The following KCNG3 variants were observed in gnomAD, a reference collection of about 807,000 sequenced individuals.
KCNG3 encodes voltage-gated potassium channel regulatory subunit KCNG3.
A neutral mutation model predicts 29.0 loss-of-function variants in KCNG3; 15 were observed. The observed-to-expected ratio is 0.52, with a 90% confidence interval of 0.35 to 0.80. The LOEUF (loss-of-function observed/expected upper bound fraction) is 0.80, where lower values mean the gene tolerates loss of function less well. Among genes scored for constraint, KCNG3 ranks in the 30% least tolerant of loss-of-function variants. The pLI is 0.01. For synonymous variants in KCNG3, 322 were observed against 248.9 expected (o/e 1.29, Z -2.76); for missense variants, 512 against 605.7 (o/e 0.85, Z 1.62).
the KCNG3 span, among the ~76,000 whole-genome samples, chr2:42,421,430 T>G: frequency 0.17 from 26,349 of 152,124 alleles, 2,513 homozygotes; most frequent in African/African-American, 0.27. Flanking sequence ...TAAAGGATAA[T>G]CAGGAGTGAG....
At chr2:42,426,535 G>A in the KCNG3 span, among the ~76,000 whole-genome samples, 1 of 152,108 alleles carries the variant, frequency 6.6e-6, no homozygotes, top group Non-Finnish European at 1.5e-5. Flanking sequence ...ACACACAATT[G>A]AATACTCTCA....
At chr2:42,459,712 C>G (rs1672968499) in intron 1 of KCNG3, among the ~76,000 whole-genome samples, 1 of 152,174 alleles carries the variant, frequency 6.6e-6, no homozygotes. Flanking sequence ...CGTGGTGGCT[C>G]ACGCCTGTAA....
chr2:42,427,105 T>TA, the KCNG3 span, among the ~76,000 whole-genome samples: 1 of 152,230 alleles, frequency 6.6e-6, no homozygotes, highest in Non-Finnish European at 1.5e-5. Flanking sequence ...AATACTCTAA[T>TA]ATCTTTGCAT....
chr2:42,457,895 G>C (rs1416563499), intron 1 of KCNG3, among the ~76,000 whole-genome samples: 1 of 151,988 alleles, frequency 6.6e-6, no homozygotes, highest in East Asian at 1.9e-4. Flanking sequence ...AGCTGAGGAA[G>C]GAAGATCACT....
At chr2:42,404,971 G>A in the KCNG3 span, among the ~76,000 whole-genome samples, 1 of 152,148 alleles carries the variant, frequency 6.6e-6, no homozygotes, top group African/African-American at 2.4e-5. Context: ...TCTGAGTTTG[G>A]CAGCAAAAAA....
the KCNG3 span, among the ~76,000 whole-genome samples, chr2:42,418,289 T>A: frequency 6.6e-6 from 1 of 152,200 alleles, no homozygotes; most frequent in African/African-American, 2.4e-5. Context: ...TCATTCCATT[T>A]TAAGGTTAAT....
At chr2:42,463,947 C>G in intron 1 of KCNG3, 1 of 334,016 alleles carries the variant, frequency 3.0e-6, no homozygotes, top group Non-Finnish European at 6.0e-6. Context: ...CCTTGGTGAA[C>G]ACATCCCTGG....
the KCNG3 span, among the ~76,000 whole-genome samples, chr2:42,420,978 G>A: frequency 6.6e-6 from 1 of 152,086 alleles, no homozygotes; most frequent in African/African-American, 2.4e-5. Context: ...ACTGTATGTT[G>A]TTAGAAACAA....
At chr2:42,417,621 T>G in the KCNG3 span, among the ~76,000 whole-genome samples, 1 of 152,166 alleles carries the variant, frequency 6.6e-6, no homozygotes. Context: ...CATTTGTGTT[T>G]ACAGAATAGT....
chr2:42,458,553 A>C (rs972015033), intron 1 of KCNG3, among the ~76,000 whole-genome samples: 1 of 152,244 alleles, frequency 6.6e-6, no homozygotes, highest in Non-Finnish European at 1.5e-5. Context: ...CATCACATAT[A>C]AATCTCCATC....
chr2:42,479,286 A>G (rs945603030), intron 1 of KCNG3, among the ~76,000 whole-genome samples: 2 of 152,154 alleles, frequency 1.3e-5, no homozygotes, highest in African/African-American at 4.8e-5. Flanking sequence ...CCATCTCACA[A>G]TCAGCTCCAA....
At chr2:42,476,417 C>G (rs193053378) in intron 1 of KCNG3, among the ~76,000 whole-genome samples, 20 of 152,020 alleles carry the variant, frequency 1.3e-4, no homozygotes, top group African/African-American at 4.6e-4. Context: ...GTTAAGGCTG[C>G]AGTGGGCTGA....
At chr2:42,421,038 C>A in the KCNG3 span, among the ~76,000 whole-genome samples, 1 of 152,076 alleles carries the variant, frequency 6.6e-6, no homozygotes, top group Admixed American at 6.6e-5. Flanking sequence ...CGCTACCACA[C>A]AAAAATGACT....
At chr2:42,452,220 A>AAT (rs869226338) in intron 1 of KCNG3, among the ~76,000 whole-genome samples, 1,366 of 104,650 alleles carry the variant, frequency 0.013, 28 homozygotes, top group African/African-American at 0.03. Flanking sequence ...TGGGGTGGTA[A>AAT]ATATATATAT....
intron 1 of KCNG3, among the ~76,000 whole-genome samples, chr2:42,459,543 G>A (rs554369772): frequency 6.6e-6 from 1 of 152,304 alleles, no homozygotes; most frequent in South Asian, 2.1e-4. Context: ...ACCTGGATGT[G>A]GCTGTAAGCC....
the KCNG3 span, among the ~76,000 whole-genome samples, chr2:42,425,489 G>C: frequency 6.6e-6 from 1 of 151,796 alleles, no homozygotes; most frequent in African/African-American, 2.4e-5. Context: ...GAGAAATAGA[G>C]GGATGATGGG....
At chr2:42,492,787 G>A in intron 1 of KCNG3, 50 bp downstream of exon 1, 1 of 1,391,538 alleles carries the variant, frequency 7.2e-7, no homozygotes, top group Non-Finnish European at 9.4e-7. Context: ...GGACGGGACG[G>A]ACAGACGCGA....
At chr2:42,430,473 G>C in the KCNG3 span, among the ~76,000 whole-genome samples, 900 of 152,138 alleles carry the variant, frequency 5.9e-3, 7 homozygotes, top group African/African-American at 0.018. Context: ...AAGCAGGCCA[G>C]GTAAGGTGGC....
At chr2:42,450,225 A>G (rs1272701238) in intron 1 of KCNG3, among the ~76,000 whole-genome samples, 1 of 152,258 alleles carries the variant, frequency 6.6e-6, no homozygotes, top group African/African-American at 2.4e-5. Context: ...TCAAAGAAGT[A>G]AGCTCGTCTG....
Sources: allele counts gnomAD v4.1 joint callset (sites outside exome capture counted in the v4.1 genomes callset), GRCh38; gene constraint gnomAD v4.1.1; transcripts MANE v1.5; gene names NCBI Gene and HGNC (gene_info 2026-07-23, HGNC 2026-07-21).